The following GNL3L variants were observed in gnomAD, a reference collection of about 807,000 sequenced individuals.
GNL3L encodes guanine nucleotide-binding protein-like 3-like protein.
A neutral mutation model predicts 42.9 loss-of-function variants in GNL3L; 4 were observed. The ratio of observed to expected loss-of-function variants is 0.09; its 90% CI spans 0.05 to 0.21. The LOEUF (loss-of-function observed/expected upper bound fraction) is 0.21. GNL3L is among the 10% of genes least tolerant of loss of function. GNL3L has a pLI of 1.00. For synonymous variants in GNL3L, 159 were observed against 176.3 expected, an observed-to-expected ratio of 0.90 and a Z score of 0.78; for missense variants, 412 against 481.7, an observed-to-expected ratio of 0.86 and a Z score of 1.36.
intron 16 of GNL3L, among the ~76,000 whole-genome samples, chrX:54,604,548 C>CAAGTTCA (rs1455107922): frequency 1.8e-5 from 2 of 111,064 alleles, no homozygotes; most frequent in Non-Finnish European, 3.8e-5. Flanking sequence ...TAGGAACCAG[C>CAAGTTCA]AAGTTCAAAG....
chrX:54,588,780 G>A (rs1397675828), intron 16 of GNL3L, among the ~76,000 whole-genome samples: 4 of 111,264 alleles, frequency 3.6e-5, no homozygotes, highest in African/African-American at 9.8e-5. Context: ...AGCCAAGATC[G>A]CGCTACGGCT....
At chrX:54,584,276 C>T (rs1405200283) in intron 16 of GNL3L, among the ~76,000 whole-genome samples, 2 of 109,958 alleles carry the variant, frequency 1.8e-5, no homozygotes, top group Non-Finnish European at 3.8e-5. Flanking sequence ...AAGTGATCCA[C>T]CCGCCTCGGC....
At chrX:54,608,568 C>G (rs1926127804) in intron 16 of GNL3L, among the ~76,000 whole-genome samples, 1 of 109,962 alleles carries the variant, frequency 9.1e-6, no homozygotes, top group African/African-American at 3.3e-5. Context: ...TGCATCCTCA[C>G]AGCTTAGCTC....
chrX:54,597,543 C>T (rs887142283), intron 16 of GNL3L, among the ~76,000 whole-genome samples: 1 of 111,143 alleles, frequency 9.0e-6, no homozygotes, highest in Non-Finnish European at 1.9e-5. Context: ...CTTAGCCACC[C>T]AGGCTGGCAT....
intron 10 of GNL3L, 40 bp from the exon 11 acceptor site, chrX:54,551,528 G>A (rs751942409): frequency 3.4e-6 from 4 of 1,163,137 alleles, no homozygotes; most frequent in South Asian, 3.7e-5. Context: ...GGGCCTCTAC[G>A]ATGCCAGGTA....
At chrX:54,626,186 T>C (rs7888650), downstream of GNL3L, among the ~76,000 whole-genome samples, 16,328 of 110,654 alleles carry the variant, frequency 0.15, 1,966 homozygotes, top group African/African-American at 0.41. Context: ...CCAGTCTCCC[T>C]TCTCCCTCCC....
intron 14 of GNL3L, 57 bp from the exon 15 acceptor site, chrX:54,558,379 C>T (rs1030612333): frequency 2.3e-6 from 2 of 868,416 alleles, no homozygotes; most frequent in Non-Finnish European, 3.4e-6. Context: ...CTGCAGAAGT[C>T]TTTGGAGGTT....
chrX:54,552,279 T>A lies in GNL3L; in HGVS notation c.1182-13T>A. ...GTGACAGCACCACTCATCTCCCCTA[T>A]CTCCCAATGCAGCGGGAAGATCAGC... On this transcript the variant is annotated splice_polypyrimidine_tract_variant and intron_variant, in intron 12 of 15. Transcript: ENST00000360845. 8.3e-7 allele frequency: 1 copy of A among 1,206,346 alleles called. No homozygotes were observed. Among genetic ancestry groups the A allele is most frequent in the Non-Finnish European group, 1.1e-6 (1 of 890,750 alleles).
At chrX:54,627,158 G>A in the GNL3L span, among the ~76,000 whole-genome samples, 31 of 110,400 alleles carry the variant, frequency 2.8e-4, no homozygotes, top group African/African-American at 7.3e-4. Context: ...ACAGATGTGC[G>A]CCACGATGCC....
chrX:54,545,662 A>G (rs1251634610), intron 8 of GNL3L, among the ~76,000 whole-genome samples: 2 of 111,982 alleles, frequency 1.8e-5, no homozygotes, highest in Non-Finnish European at 3.8e-5. Flanking sequence ...AAAATTGGAT[A>G]CTAAGGGACA....
In GNL3L at chrX:54,561,682, A is replaced by G. The variant is rs956161466; in HGVS notation, c.*1080A>G. 1.6e-4 allele frequency among the ~76,000 whole-genome samples: 18 copies of G among 111,900 alleles called. No homozygotes were observed. The highest frequency in any genetic ancestry group is 5.5e-4 in the African/African-American group (17 of 30,794). On this transcript the variant is annotated 3_prime_UTR_variant, in exon 16 of 16. Coordinates refer to ENST00000360845, the MANE Select transcript of GNL3L (RefSeq NM_001184819.2). ...CTGCCCTTGTGTGACCATGTCTCCTATTGCACCAGCATTTGAATTCCATGG... is the reference window on the plus strand; with the variant it reads ...CTGCCCTTGTGTGACCATGTCTCCTGTTGCACCAGCATTTGAATTCCATGG...
the GNL3L span, among the ~76,000 whole-genome samples, chrX:54,629,382 G>A: frequency 9.0e-6 from 1 of 111,551 alleles, no homozygotes; most frequent in African/African-American, 3.3e-5. Context: ...CCCATTCAGT[G>A]TAATGTGGGC....
At chrX:54,598,998 C>T (rs1925970449) in intron 16 of GNL3L, among the ~76,000 whole-genome samples, 1 of 111,618 alleles carries the variant, frequency 9.0e-6, no homozygotes, top group Admixed American at 9.5e-5. Flanking sequence ...GGCACCAAAC[C>T]AGAGATCTGT....
At chrX:54,640,636 C>T in the GNL3L span, among the ~76,000 whole-genome samples, 3 of 111,965 alleles carry the variant, frequency 2.7e-5, no homozygotes. Flanking sequence ...AGAGCTTTTC[C>T]TGTAGGAGTA....
At chrX:54,584,105 C>T (rs1363946535) in intron 16 of GNL3L, among the ~76,000 whole-genome samples, 1 of 94,078 alleles carries the variant, frequency 1.1e-5, no homozygotes, top group African/African-American at 4.1e-5. Flanking sequence ...TTTTTGAGAG[C>T]GAGAGTCTCG....
intron 16 of GNL3L, among the ~76,000 whole-genome samples, chrX:54,584,706 G>C (rs1031679301): frequency 2.1e-4 from 24 of 112,913 alleles, no homozygotes; most frequent in Non-Finnish European, 4.1e-4. Context: ...ATACCCAGTG[G>C]TGGGATTCCT....
chrX:54,557,601 A>AT (rs1925136492), intron 14 of GNL3L, among the ~76,000 whole-genome samples: 1 of 108,716 alleles, frequency 9.2e-6, no homozygotes, highest in Non-Finnish European at 1.9e-5. Flanking sequence ...TGCCTGGCTA[A>AT]TTTTTGTATT....
At chrX:54,619,420 A>G (rs185803333) in intron 16 of GNL3L, among the ~76,000 whole-genome samples, 108 of 111,332 alleles carry the variant, frequency 9.7e-4, no homozygotes, top group Non-Finnish European at 1.8e-3. Context: ...TTTTTTGTAT[A>G]TATATAAAAA....
Position 54,566,460 on chromosome X carries a change from T to A in GNL3L, c.*5858T>A, listed in dbSNP as rs186426036. Among the ~76,000 whole-genome samples the A allele has an allele frequency of 7.5e-4, 84 of 111,945 alleles. No individual in the cohort carries two copies. Among genetic ancestry groups the A allele is most frequent in the Non-Finnish European group, 1.3e-3 (71 of 53,188 alleles). On this transcript the variant is annotated 3_prime_UTR_variant, in exon 16 of 16. Transcript: ENST00000360845. ...TATGCATAACCAAAACTGTACTTAT[T>A]AAACAATAACCTCCCAACCCCTTCT...
Sources: allele counts gnomAD v4.1 joint callset (sites outside exome capture counted in the v4.1 genomes callset), GRCh38; gene constraint gnomAD v4.1.1; transcripts MANE v1.5; gene names NCBI Gene and HGNC (gene_info 2026-07-23, HGNC 2026-07-21).